The following TTC28 variants were observed in gnomAD, a reference collection of about 807,000 sequenced individuals.
TTC28 encodes the protein tetratricopeptide repeat protein 28.
A neutral mutation model predicts 198.0 loss-of-function variants in TTC28; 61 were observed. The ratio of observed to expected loss-of-function variants is 0.31; its 90% CI spans 0.25 to 0.38. The LOEUF (loss-of-function observed/expected upper bound fraction) is 0.38, where lower values mean the gene tolerates loss of function less well. TTC28 is among the 10% of genes least tolerant of loss of function. The probability of loss-of-function intolerance (pLI) is 1.00; values close to 1 mark genes in which losing one functional copy is unlikely to be tolerated. For synonymous variants in TTC28, 1,171 were observed against 1,297.8 expected, an observed-to-expected ratio of 0.90 and a Z score of 2.10; for missense variants, 2,678 against 3,164.0, an observed-to-expected ratio of 0.85 and a Z score of 3.69.
chr22:28,468,539 C>G (rs896645504), intron 2 of TTC28, among the ~76,000 whole-genome samples: 1 of 150,202 alleles, frequency 6.7e-6, no homozygotes, highest in Non-Finnish European at 1.5e-5. Flanking sequence ...TTTTTTGAGA[C>G]AGAGTCTCAC....
chr22:28,495,758 T>A (rs2048446196), intron 2 of TTC28, among the ~76,000 whole-genome samples: 1 of 152,172 alleles, frequency 6.6e-6, no homozygotes, highest in Non-Finnish European at 1.5e-5. Flanking sequence ...TTCAAGAAGA[T>A]AAAATTGTTC....
At chr22:28,447,418 C>G (rs2047719905) in intron 2 of TTC28, among the ~76,000 whole-genome samples, 1 of 152,130 alleles carries the variant, frequency 6.6e-6, no homozygotes, top group Non-Finnish European at 1.5e-5. Context: ...ACTGTTTGCT[C>G]AAAAATTCTA....
intron 6 of TTC28, among the ~76,000 whole-genome samples, chr22:28,109,763 A>T (rs751141936): frequency 1.3e-5 from 2 of 152,236 alleles, no homozygotes; most frequent in African/African-American, 2.4e-5. Context: ...GCTAGTATGC[A>T]AACAGGTTTC....
At position 28,030,247 on chromosome 22, in the gene TTC28, C is replaced by T. The variant is rs975406109; in HGVS notation, c.4052G>A (p.Arg1351His). 5.8e-6 allele frequency: 9 copies of T among 1,551,590 alleles called. No homozygotes were observed. The East Asian group carries it at 7.3e-5, about 13-fold the overall frequency. The change falls in exon 13 of 23, where the codon CGC becomes CAC. Residue 1351 changes from arginine (R) to histidine (H), a missense_variant. Arg to His is a conservative substitution (Grantham distance 29, BLOSUM62 0). Coordinates refer to ENST00000397906, the MANE Select transcript of TTC28 (RefSeq NM_001145418.2). ...TDPTGFLRMV[R>H]RNNLFNRSCQ... Reference sequence around the variant, plus strand: ...TCACCTGTTAAACAGGTTATTGCGGCGAACCATCCGCAGAAAGCCAGTGGG... The same window carrying T: ...TCACCTGTTAAACAGGTTATTGCGGTGAACCATCCGCAGAAAGCCAGTGGG...
intron 5 of TTC28, among the ~76,000 whole-genome samples, chr22:28,166,061 A>G (rs1474077948): frequency 6.6e-6 from 1 of 152,210 alleles, no homozygotes; most frequent in Admixed American, 6.5e-5. Context: ...TTAAACCAAC[A>G]AAGATCAAAA....
At chr22:28,437,607 G>A (rs1350953223) in intron 2 of TTC28, among the ~76,000 whole-genome samples, 1 of 151,240 alleles carries the variant, frequency 6.6e-6, no homozygotes. Flanking sequence ...TTTTTGCTTT[G>A]TTTGATACAG....
At position 28,370,162 on chromosome 22, in the gene TTC28, C is replaced by T. The variant is rs921903712; in HGVS notation, c.382-63519G>A. On this transcript the variant is annotated intron_variant, in intron 2 of 22. Coordinates refer to ENST00000397906, the MANE Select transcript of TTC28 (RefSeq NM_001145418.2). ...ACTCCCCATCCCTTTCCCAAGACGC[C>T]TTACTCCCTCCCTGCCTCACTGCAA... 2.6e-5 allele frequency among the ~76,000 whole-genome samples: 4 copies of T among 152,196 alleles called. No homozygotes were observed. The East Asian group carries it at 7.7e-4, about 29-fold the overall frequency.
chr22:28,343,625 C>T (rs547672706), intron 2 of TTC28, among the ~76,000 whole-genome samples: 1 of 151,894 alleles, frequency 6.6e-6, no homozygotes, highest in East Asian at 1.9e-4. Context: ...ACAAGTAAGT[C>T]CTTTAAGTGA....
chr22:28,107,523 C>G lies in TTC28; in HGVS notation c.2322G>C (p.Leu774=). 1 of 1,551,882 alleles carries G rather than the reference C, an allele frequency of 6.4e-7. No homozygotes were observed. Among genetic ancestry groups the G allele is most frequent in the Middle Eastern group, 1.7e-4 (1 of 5,994 alleles). Reference sequence around the variant, plus strand: ...CCTCCAGTTCCTGTGTGTGATAACCCAGGGCCTTGTCATACTTCTGGATCA... The same window carrying G: ...CCTCCAGTTCCTGTGTGTGATAACCGAGGGCCTTGTCATACTTCTGGATCA... The part of the protein sequence containing the change: ...YRMIQKYDKA[L]GYHTQELEVY... Residue 774 remains leucine (L), a synonymous_variant, in exon 7 of 23, where the codon CTG becomes CTC. Transcript: ENST00000397906.
intron 2 of TTC28, among the ~76,000 whole-genome samples, chr22:28,470,861 G>A (rs2048088429): frequency 6.6e-6 from 1 of 152,080 alleles, no homozygotes; most frequent in African/African-American, 2.4e-5. Flanking sequence ...ACTAAGAGAA[G>A]GTTAGACTCG....
chr22:28,221,116 G>A (rs2147203168), intron 5 of TTC28, among the ~76,000 whole-genome samples: 2 of 152,278 alleles, frequency 1.3e-5, no homozygotes, highest in South Asian at 4.1e-4. Flanking sequence ...AGTTGGAGCA[G>A]GATCCCAGCA....
At chr22:28,334,851 T>C (rs2045682504) in intron 2 of TTC28, among the ~76,000 whole-genome samples, 2 of 152,236 alleles carry the variant, frequency 1.3e-5, no homozygotes, top group African/African-American at 4.8e-5. Flanking sequence ...AGAAGCTCTT[T>C]AGTTTAATTA....
intron 5 of TTC28, among the ~76,000 whole-genome samples, chr22:28,198,410 G>A (rs1038780425): frequency 6.6e-6 from 1 of 151,920 alleles, no homozygotes; most frequent in African/African-American, 2.4e-5. Context: ...AAGGATTTTT[G>A]CAGAAAAGTT....
intron 2 of TTC28, among the ~76,000 whole-genome samples, chr22:28,535,821 C>A (rs1263453132): frequency 6.6e-6 from 1 of 152,096 alleles, no homozygotes; most frequent in African/African-American, 2.4e-5. Context: ...TTGCCTTCAA[C>A]CATGATTGTA....
Position 27,983,305 on chromosome 22 carries a change from G to GGTGA in TTC28, c.6358_6361dup (p.Pro2121LeufsTer21), listed in dbSNP as rs2146495053. 1 of 1,552,066 alleles carries GGTGA rather than the reference G, an allele frequency of 6.4e-7. No individual in the cohort carries two copies. The highest frequency in any genetic ancestry group is 8.7e-7 in the Non-Finnish European group (1 of 1,147,102). On this transcript the variant is annotated frameshift_variant, in exon 23 of 23. Transcript: ENST00000397906. LOFTEE classifies it low-confidence loss of function (END_TRUNC). Reference sequence around the variant, plus strand: ...TGCTAGTTTTCCCACCTTTTGGAAGGGTGAGTTGGGGCTGGGAATCAGAGT... The same window carrying GGTGA: ...TGCTAGTTTTCCCACCTTTTGGAAGGGTGAGTGAGTTGGGGCTGGGAATCAGAGT...
At chr22:28,175,497 C>A (rs928562910) in intron 5 of TTC28, among the ~76,000 whole-genome samples, 6 of 152,058 alleles carry the variant, frequency 3.9e-5, no homozygotes, top group Admixed American at 3.9e-4. Flanking sequence ...TTTGGGAGGC[C>A]GAGGCGGGTG....
chr22:28,646,945 A>T (rs1038313495), intron 1 of TTC28, among the ~76,000 whole-genome samples: 3 of 152,180 alleles, frequency 2.0e-5, no homozygotes, highest in African/African-American at 7.2e-5. Context: ...AGCAAAAATG[A>T]CTTATCTGGA....
chr22:28,370,620 TC>T (rs1379652759), intron 2 of TTC28, among the ~76,000 whole-genome samples: 1 of 152,098 alleles, frequency 6.6e-6, no homozygotes, highest in Non-Finnish European at 1.5e-5. Context: ...AATATATTTA[TC>T]CAAAGACTTC....
chr22:28,559,727 T>C (rs1425399503), intron 2 of TTC28, among the ~76,000 whole-genome samples: 1 of 152,220 alleles, frequency 6.6e-6, no homozygotes, highest in East Asian at 1.9e-4. Flanking sequence ...TCCAGTTTTT[T>C]CTCTTACCAC....
Sources: gnomAD v4.1 joint callset for allele counts (sites outside exome capture counted in the v4.1 genomes callset) on GRCh38, gnomAD v4.1.1 for gene constraint, MANE v1.5 for transcripts, NCBI Gene and HGNC (gene_info 2026-07-23, HGNC 2026-07-21) for gene names.